The following BACH2 variants were observed in gnomAD, a reference collection of about 807,000 sequenced individuals.
BACH2 encodes transcription regulator protein BACH2.
BACH2 carries 5 observed loss-of-function variants against 61.8 expected under a neutral mutation model. The observed-to-expected ratio is 0.08, with a 90% CI of 0.04 to 0.17. The LOEUF is 0.17. Among genes scored for constraint, BACH2 ranks in the 10% least tolerant of loss-of-function variants. BACH2 has a pLI of 1.00. For missense variants in BACH2, 824 were observed against 1,091.1 expected, an observed-to-expected ratio of 0.76 and a Z score of 3.45; for synonymous variants, 446 against 440.1, an observed-to-expected ratio of 1.01 and a Z score of -0.17.
Position 90,002,492 on chromosome 6 carries a change from C to T in BACH2, c.243+6110G>A, listed in dbSNP as rs187477553. 3.5e-4 allele frequency among the ~76,000 whole-genome samples: 53 copies of T among 152,232 alleles called. 1 individual carries two copies. Among genetic ancestry groups the T allele is most frequent in the Admixed American group, 2.5e-3 (38 of 15,292 alleles). On this transcript the variant is annotated intron_variant, in intron 6 of 8. Coordinates refer to ENST00000257749, the MANE Select transcript of BACH2 (RefSeq NM_021813.4). ...ACTTAATATATACAAAATAGAAGGC[C>T]GGGCATGGTGGCTCACGCCTTAATC...
intron 1 of BACH2, among the ~76,000 whole-genome samples, chr6:90,295,626 C>T (rs1772322877): frequency 6.6e-6 from 1 of 151,392 alleles, no homozygotes; most frequent in Admixed American, 6.6e-5. Context: ...CTGGGTGAAG[C>T]TTCTGGGGCT....
intron 4 of BACH2, among the ~76,000 whole-genome samples, chr6:90,166,720 C>G (rs1416009723): frequency 2.0e-5 from 3 of 152,166 alleles, no homozygotes; most frequent in African/African-American, 7.2e-5. Flanking sequence ...GAATACTATG[C>G]AGCCATAAAA....
In BACH2 at chr6:90,089,423, T is replaced by C. The variant is rs139444527; in HGVS notation, c.-161-314A>G. Among the ~76,000 whole-genome samples the C allele has an allele frequency of 7.2e-5, 11 of 152,088 alleles. No individual in the cohort carries two copies. In the East Asian group the frequency reaches 2.1e-3, roughly 30 times the overall value. The stretch of plus-strand genomic sequence containing the variant: ...AGATAGGTCCATGTCCAGTAAGTTA[T>C]CACCTTCTATATTTCATCTCACGTT... On this transcript the variant is annotated intron_variant, in intron 4 of 8. Coordinates refer to ENST00000257749, the MANE Select transcript of BACH2 (RefSeq NM_021813.4).
intron 6 of BACH2, among the ~76,000 whole-genome samples, chr6:90,005,074 G>C (rs1349649429): frequency 6.6e-6 from 1 of 152,082 alleles, no homozygotes; most frequent in Non-Finnish European, 1.5e-5. Flanking sequence ...GACTATGCTG[G>C]GCTCTGTGAG....
intron 7 of BACH2, among the ~76,000 whole-genome samples, chr6:89,939,853 T>G (rs1473012425): frequency 1.6e-5 from 2 of 123,888 alleles, no homozygotes; most frequent in Non-Finnish European, 3.3e-5. Flanking sequence ...TTTGTAGAGA[T>G]GAGGTCTTGC....
chr6:90,059,011 C>A (rs1312703932), intron 5 of BACH2, among the ~76,000 whole-genome samples: 2 of 152,076 alleles, frequency 1.3e-5, no homozygotes, highest in Admixed American at 6.5e-5. Context: ...GACCTAAAAC[C>A]ATAAAAACCC....
chr6:90,274,571 C>T (rs942932767), intron 1 of BACH2, among the ~76,000 whole-genome samples: 1 of 152,126 alleles, frequency 6.6e-6, no homozygotes, highest in Non-Finnish European at 1.5e-5. Context: ...TTATCACAGC[C>T]GCCCCCACCT....
chr6:90,263,594 C>A (rs1353030605), intron 2 of BACH2, among the ~76,000 whole-genome samples: 1 of 152,178 alleles, frequency 6.6e-6, no homozygotes, highest in Non-Finnish European at 1.5e-5. Context: ...TTTGTTCCTG[C>A]TGTTCAGCCT....
At chr6:90,123,612 T>A (rs1047985806) in intron 4 of BACH2, among the ~76,000 whole-genome samples, 2 of 150,576 alleles carry the variant, frequency 1.3e-5, no homozygotes, top group Non-Finnish European at 3.0e-5. Context: ...CTACTAAAAA[T>A]ACATAAAATT....
rs756067992 is a variant in BACH2, at chr6:89,951,913, T to C, written c.244-51A>G. ...AACATTACCATCAGCACTGCTATTG[T>C]CCCGAATCCCTCAACTGAAGCAAGA... On this transcript the variant is annotated intron_variant, in intron 6 of 8. Coordinates refer to ENST00000257749, the MANE Select transcript of BACH2 (RefSeq NM_021813.4). The surrounding 1 kb of genome is among the most constrained non-coding windows in gnomAD (Gnocchi z 6.4). The C allele has an allele frequency of 2.5e-6, 4 of 1,570,528 alleles. No homozygotes were observed. Among genetic ancestry groups the C allele is most frequent in the South Asian group, 2.4e-5 (2 of 83,844 alleles).
intron 4 of BACH2, among the ~76,000 whole-genome samples, chr6:90,108,608 A>G (rs1419324649): frequency 6.6e-6 from 1 of 152,068 alleles, no homozygotes; most frequent in African/African-American, 2.4e-5. Flanking sequence ...GAGATCAGAC[A>G]GAGGATGCTA....
Position 89,950,196 on chromosome 6 carries a change from TG to T in BACH2, c.1836+73del. The T allele has an allele frequency of 6.6e-7, 1 of 1,520,394 alleles. No homozygotes were observed. The highest frequency in any genetic ancestry group is 9.1e-7 in the Non-Finnish European group (1 of 1,095,928). The allele number at this position is 1,520,394 out of a possible 1,614,324, so 94.2% of individuals were successfully genotyped here. On this transcript the variant is annotated intron_variant, in intron 7 of 8. Transcript: ENST00000257749. The surrounding 1 kb of genome is among the most constrained non-coding windows in gnomAD (Gnocchi z 5.3). ...GCACGTAAGAACAATGTGGGAGTGG[TG>T]GGGGGCAGGGAGTAGTCCAGATAAA...
At chr6:89,964,427 G>A (rs1046540609) in intron 6 of BACH2, among the ~76,000 whole-genome samples, 13 of 152,032 alleles carry the variant, frequency 8.6e-5, no homozygotes, top group African/African-American at 9.7e-5. Flanking sequence ...ACATAAACAT[G>A]TATGGTAAAT....
At chr6:89,969,572 T>C (rs573963555) in intron 6 of BACH2, among the ~76,000 whole-genome samples, 1 of 152,258 alleles carries the variant, frequency 6.6e-6, no homozygotes, top group East Asian at 1.9e-4. Flanking sequence ...GAGTCAGCCT[T>C]TGTCCTTCAA....
At chr6:90,072,741 G>A (rs925435870) in intron 5 of BACH2, among the ~76,000 whole-genome samples, 1 of 152,094 alleles carries the variant, frequency 6.6e-6, no homozygotes, top group African/African-American at 2.4e-5. Context: ...TCTATCAAGG[G>A]ATAGAAGAAG....
At chr6:90,189,824 A>G (rs1768504451) in intron 4 of BACH2, among the ~76,000 whole-genome samples, 1 of 152,168 alleles carries the variant, frequency 6.6e-6, no homozygotes, top group Non-Finnish European at 1.5e-5. Flanking sequence ...ACATATGAGA[A>G]GGTTCTCTGG....
chr6:89,938,366 A>G lies in BACH2; in HGVS notation c.1837-16T>C, dbSNP rs1562308097. On this transcript the variant is annotated splice_polypyrimidine_tract_variant and intron_variant, in intron 7 of 8. Transcript: ENST00000257749. ...GAAGTTTTACCTGAAACCAAGAATAACAGAAAATGATTATGGCAGCTGGAT... is the reference window on the plus strand; with the variant it reads ...GAAGTTTTACCTGAAACCAAGAATAGCAGAAAATGATTATGGCAGCTGGAT... The G allele has an allele frequency of 4.4e-6, 7 of 1,598,440 alleles. No individual in the cohort carries two copies. Among genetic ancestry groups the G allele is most frequent in the Non-Finnish European group, 6.0e-6 (7 of 1,166,800 alleles).
At chr6:89,983,747 G>C (rs942669066) in intron 6 of BACH2, among the ~76,000 whole-genome samples, 11 of 152,234 alleles carry the variant, frequency 7.2e-5, no homozygotes, top group Non-Finnish European at 1.3e-4. Flanking sequence ...GGCCAGTGCA[G>C]AAGAACATTT....
intron 1 of BACH2, among the ~76,000 whole-genome samples, chr6:90,286,712 T>G (rs1329126625): frequency 6.6e-6 from 1 of 152,190 alleles, no homozygotes; most frequent in African/African-American, 2.4e-5. Context: ...TCTAACATGG[T>G]TTCAATTGAT....
Sources: gnomAD v4.1 joint callset for allele counts (sites outside exome capture counted in the v4.1 genomes callset) on GRCh38, gnomAD v4.1.1 for gene constraint, Gnocchi (gnomAD v3.1) non-coding constraint, MANE v1.5 for transcripts, NCBI Gene and HGNC (gene_info 2026-07-23, HGNC 2026-07-21) for gene names.